The following PRKCQ variants were observed in gnomAD, a reference collection of about 807,000 sequenced individuals.
The protein encoded by PRKCQ is protein kinase C theta.
Under a neutral mutation model 91.2 loss-of-function variants are expected in PRKCQ, and 41 were observed. That is an observed-to-expected ratio of 0.45 (90% CI 0.35 to 0.58). The LOEUF is 0.58. Ranked by LOEUF, PRKCQ falls within the 20% of genes least tolerant of loss-of-function variation. The pLI is 0.00. For missense variants in PRKCQ, 673 were observed against 896.5 expected, an observed-to-expected ratio of 0.75 and a Z score of 3.18; for synonymous variants, 307 against 316.9, an observed-to-expected ratio of 0.97 and a Z score of 0.33.
chr10:6,534,587 G>A (rs1334815048), intron 1 of PRKCQ, among the ~76,000 whole-genome samples: 1 of 151,900 alleles, frequency 6.6e-6, no homozygotes, highest in African/African-American at 2.4e-5. Context: ...ATACTTACAA[G>A]ACTGTTCATT....
At chr10:6,544,042 G>A (rs942913128) in intron 1 of PRKCQ, among the ~76,000 whole-genome samples, 5 of 152,146 alleles carry the variant, frequency 3.3e-5, no homozygotes, top group African/African-American at 9.7e-5. Flanking sequence ...TCCCCTCAGC[G>A]AGGTCAAGTT....
chr10:6,506,076 G>C (rs188799456), intron 4 of PRKCQ, among the ~76,000 whole-genome samples: 7 of 152,134 alleles, frequency 4.6e-5, no homozygotes, highest in Non-Finnish European at 4.4e-5. Flanking sequence ...TGCAAATCTG[G>C]TTATTCGGAT....
At chr10:6,570,940 C>T (rs1181494481) in intron 1 of PRKCQ, among the ~76,000 whole-genome samples, 1 of 152,008 alleles carries the variant, frequency 6.6e-6, no homozygotes, top group Non-Finnish European at 1.5e-5. Flanking sequence ...CCCTGTGATC[C>T]CCAGGTGGGG....
At chr10:6,485,793 C>T (rs1182100782) in intron 9 of PRKCQ, among the ~76,000 whole-genome samples, 1 of 152,202 alleles carries the variant, frequency 6.6e-6, no homozygotes, top group Non-Finnish European at 1.5e-5. Context: ...TTATTTGTTT[C>T]TGCAATGCTC....
intron 2 of PRKCQ, among the ~76,000 whole-genome samples, chr10:6,513,493 G>T: frequency 6.7e-6 from 1 of 148,292 alleles, no homozygotes; most frequent in Non-Finnish European, 1.5e-5. Context: ...ATGTCAGGGA[G>T]ACCTGAGATG....
chr10:6,514,099 T>C (rs1486453506), intron 2 of PRKCQ, among the ~76,000 whole-genome samples: 1 of 152,224 alleles, frequency 6.6e-6, no homozygotes, highest in Non-Finnish European at 1.5e-5. Context: ...CCAGCACTCT[T>C]GCAGTGGTCT....
rs184461338 is a variant in PRKCQ, at chr10:6,464,291, C to A, written c.1445+22G>T. 10 of 1,603,964 alleles carry A rather than the reference C, an allele frequency of 6.2e-6. No homozygotes were observed. The Admixed American group carries it at 1.7e-4, about 28-fold the overall frequency. ...ACTGACAAGAACAGTGGAAAACTCCCAAACCCTTTAAAGCCTCTTACGTCG... is the reference window on the plus strand; with the variant it reads ...ACTGACAAGAACAGTGGAAAACTCCAAAACCCTTTAAAGCCTCTTACGTCG... On this transcript the variant is annotated intron_variant, in intron 13 of 17. Coordinates refer to ENST00000263125, the MANE Select transcript of PRKCQ (RefSeq NM_006257.5).
the PRKCQ span, among the ~76,000 whole-genome samples, chr10:6,408,450 C>T: frequency 2.0e-5 from 3 of 152,044 alleles, no homozygotes; most frequent in African/African-American, 7.2e-5. Context: ...TGCCTCCTGG[C>T]TTCAAGTGAT....
chr10:6,516,211 G>A (rs552151777), intron 1 of PRKCQ, among the ~76,000 whole-genome samples: 29 of 152,300 alleles, frequency 1.9e-4, no homozygotes, highest in Admixed American at 1.3e-3. Context: ...TCTTGGGCCT[G>A]TAATACCTCA....
intron 16 of PRKCQ, among the ~76,000 whole-genome samples, chr10:6,431,503 A>C (rs1833426601): frequency 6.6e-6 from 1 of 152,170 alleles, no homozygotes; most frequent in Admixed American, 6.5e-5. Context: ...CACAAATGTG[A>C]GCACACGCAC....
the PRKCQ span, among the ~76,000 whole-genome samples, chr10:6,416,627 G>T: frequency 6.6e-6 from 1 of 152,198 alleles, no homozygotes; most frequent in Non-Finnish European, 1.5e-5. Context: ...TGGGCACTTA[G>T]GTTGGTTTCA....
At chr10:6,520,913 A>T (rs1384218674) in intron 1 of PRKCQ, among the ~76,000 whole-genome samples, 1 of 152,174 alleles carries the variant, frequency 6.6e-6, no homozygotes, top group Non-Finnish European at 1.5e-5. Flanking sequence ...CTCCAACTAC[A>T]CAATTCTCTC....
intron 12 of PRKCQ, among the ~76,000 whole-genome samples, chr10:6,476,761 A>C (rs1031946265): frequency 1.3e-5 from 2 of 152,256 alleles, no homozygotes; most frequent in Non-Finnish European, 2.9e-5. Context: ...GTTTGCTACA[A>C]GCCTCAAAAT....
intron 3 of PRKCQ, among the ~76,000 whole-genome samples, chr10:6,508,199 A>G: frequency 6.6e-6 from 1 of 152,228 alleles, no homozygotes; most frequent in Non-Finnish European, 1.5e-5. Context: ...TGACATAAGG[A>G]GAAGAAAGGA....
intron 8 of PRKCQ, among the ~76,000 whole-genome samples, chr10:6,487,308 A>G (rs1269777939): frequency 1.3e-5 from 2 of 152,242 alleles, no homozygotes; most frequent in African/African-American, 2.4e-5. Context: ...AAAAAGAACC[A>G]AAGTTTTCTG....
chr10:6,539,447 C>T (rs1186200074), intron 1 of PRKCQ, among the ~76,000 whole-genome samples: 1 of 151,872 alleles, frequency 6.6e-6, no homozygotes, highest in Non-Finnish European at 1.5e-5. Flanking sequence ...ATGAACTGCG[C>T]AAGTGAGAGA....
chr10:6,429,192 A>G (rs1369717642), intron 17 of PRKCQ, among the ~76,000 whole-genome samples: 1 of 152,274 alleles, frequency 6.6e-6, no homozygotes, highest in East Asian at 1.9e-4. Flanking sequence ...TCCTACTGGC[A>G]GAACTGGGAA....
At chr10:6,557,381 C>T (rs1006769849) in intron 1 of PRKCQ, among the ~76,000 whole-genome samples, 1 of 152,184 alleles carries the variant, frequency 6.6e-6, no homozygotes, top group Admixed American at 6.5e-5. Context: ...CCAAATGTAA[C>T]TCTGTACTAT....
intron 1 of PRKCQ, among the ~76,000 whole-genome samples, chr10:6,560,081 A>G (rs1840571634): frequency 6.6e-6 from 1 of 152,194 alleles, no homozygotes; most frequent in African/African-American, 2.4e-5. Flanking sequence ...AAGCCCTGAC[A>G]TGTTAGGTGT....
Sources: gnomAD v4.1 joint callset for allele counts (sites outside exome capture counted in the v4.1 genomes callset) on GRCh38, gnomAD v4.1.1 for gene constraint, MANE v1.5 for transcripts, NCBI Gene and HGNC (gene_info 2026-07-23, HGNC 2026-07-21) for gene names.